Variants in PTPRM observed in about 807,000 individuals in gnomAD.
PTPRM encodes receptor-type tyrosine-protein phosphatase mu.
PTPRM carries 47 observed loss-of-function variants against 186.7 expected under a neutral mutation model. That is an observed-to-expected ratio of 0.25 (90% CI 0.20 to 0.32). PTPRM has a LOEUF of 0.32. Among genes scored for constraint, PTPRM ranks in the 10% least tolerant of loss-of-function variants. The probability of loss-of-function intolerance (pLI) is 1.00; values close to 1 mark genes in which losing one functional copy is unlikely to be tolerated. For synonymous variants in PTPRM, 668 were observed against 674.9 expected (o/e 0.99, Z 0.16); for missense variants, 1,494 against 1,865.0 (o/e 0.80, Z 3.66).
intron 2 of PTPRM, among the ~76,000 whole-genome samples, chr18:7,804,584 T>A (rs1013444787): frequency 1.3e-5 from 2 of 152,210 alleles, no homozygotes; most frequent in African/African-American, 4.8e-5. Flanking sequence ...GATTGTTCTC[T>A]ACAGATGGGC....
At chr18:8,391,981 A>G (rs1035410606) in intron 31 of PTPRM, among the ~76,000 whole-genome samples, 3 of 152,238 alleles carry the variant, frequency 2.0e-5, no homozygotes, top group African/African-American at 7.2e-5. Context: ...ATAATATCAC[A>G]GAGATGTGAT....
intron 14 of PTPRM, among the ~76,000 whole-genome samples, chr18:8,162,184 C>A (rs1417799074): frequency 6.6e-6 from 1 of 151,600 alleles, no homozygotes; most frequent in African/African-American, 2.4e-5. Flanking sequence ...ACTACAACCT[C>A]TGCCTCCTGG....
At chr18:8,221,232 TC>T (rs987538795) in intron 14 of PTPRM, among the ~76,000 whole-genome samples, 1 of 152,174 alleles carries the variant, frequency 6.6e-6, no homozygotes, top group African/African-American at 2.4e-5. Context: ...TTCCCTGTGT[TC>T]CCTGGCACTT....
At chr18:8,210,289 C>T (rs1015250803) in intron 14 of PTPRM, among the ~76,000 whole-genome samples, 8 of 151,656 alleles carry the variant, frequency 5.3e-5, no homozygotes, top group Admixed American at 3.9e-4. Flanking sequence ...CCAGCCAAGG[C>T]GACAGAGAGA....
chr18:7,872,756 A>T (rs899136157), intron 2 of PTPRM, among the ~76,000 whole-genome samples: 2 of 152,214 alleles, frequency 1.3e-5, no homozygotes, highest in African/African-American at 4.8e-5. Context: ...GAGTCATCAC[A>T]GATATGCTTC....
chr18:7,682,487 T>TA (rs1598363164), intron 1 of PTPRM, among the ~76,000 whole-genome samples: 1 of 152,354 alleles, frequency 6.6e-6, no homozygotes, highest in East Asian at 1.9e-4. Context: ...TTTATTAGGT[T>TA]ACACCTGATT....
chr18:7,733,565 T>C (rs2040706769), intron 1 of PTPRM, among the ~76,000 whole-genome samples: 1 of 152,202 alleles, frequency 6.6e-6, no homozygotes. Context: ...TGTGTCTTTA[T>C]AGTAGAATGA....
chr18:8,080,572 A>G (rs1459656018), intron 9 of PTPRM, among the ~76,000 whole-genome samples: 3 of 152,148 alleles, frequency 2.0e-5, no homozygotes, highest in African/African-American at 7.2e-5. Context: ...AATGGTCTAG[A>G]TTTGCCAGCT....
chr18:7,682,344 A>G (rs969638804), intron 1 of PTPRM, among the ~76,000 whole-genome samples: 3 of 152,250 alleles, frequency 2.0e-5, no homozygotes, highest in African/African-American at 7.2e-5. Flanking sequence ...TAGAAAACAT[A>G]CTAACTGGCA....
chr18:7,766,587 T>C (rs1295342793), intron 1 of PTPRM, among the ~76,000 whole-genome samples: 4 of 152,154 alleles, frequency 2.6e-5, no homozygotes, highest in Admixed American at 6.5e-5. Context: ...TGGAGGCACT[T>C]GCTACAGAAC....
intron 1 of PTPRM, among the ~76,000 whole-genome samples, chr18:7,666,862 G>C (rs964207701): frequency 3.9e-5 from 6 of 152,186 alleles, no homozygotes; most frequent in South Asian, 2.1e-4. Context: ...GATTTGGCAG[G>C]GGGTAGGTGG....
chr18:7,682,418 A>T (rs1327858952), intron 1 of PTPRM, among the ~76,000 whole-genome samples: 1 of 152,240 alleles, frequency 6.6e-6, no homozygotes, highest in Non-Finnish European at 1.5e-5. Flanking sequence ...TTCTTAAGAA[A>T]AAGAATAAAG....
intron 2 of PTPRM, among the ~76,000 whole-genome samples, chr18:7,795,714 A>AACACATACT (rs2043594405): frequency 6.6e-6 from 1 of 152,090 alleles, no homozygotes; most frequent in African/African-American, 2.4e-5. Flanking sequence ...TTTTTGAATG[A>AACACATACT]ACACATACTA....
At chr18:8,337,763 G>A (rs968341457) in intron 22 of PTPRM, among the ~76,000 whole-genome samples, 2 of 152,194 alleles carry the variant, frequency 1.3e-5, no homozygotes, top group Non-Finnish European at 2.9e-5. Context: ...CAGCAGAGGG[G>A]GGTCTTGCGG....
intron 1 of PTPRM, among the ~76,000 whole-genome samples, chr18:7,652,335 G>T (rs1379893755): frequency 6.6e-6 from 1 of 152,080 alleles, no homozygotes; most frequent in Non-Finnish European, 1.5e-5. Flanking sequence ...CATTGTGGAA[G>T]TCAGTGTGGC....
intron 18 of PTPRM, among the ~76,000 whole-genome samples, 175 bp downstream of exon 18, chr18:8,252,674 TA>T (rs2094538923): frequency 2.0e-5 from 3 of 152,314 alleles, no homozygotes; most frequent in African/African-American, 7.2e-5. Context: ...AGCTTTCTGA[TA>T]CCAGAGCATG....
At chr18:7,943,792 A>G (rs925684260) in intron 5 of PTPRM, among the ~76,000 whole-genome samples, 15 of 152,066 alleles carry the variant, frequency 9.9e-5, no homozygotes, top group Admixed American at 5.2e-4. Context: ...TTCCTCATAA[A>G]TAGAACCTTG....
At chr18:7,750,783 C>T (rs987339257) in intron 1 of PTPRM, among the ~76,000 whole-genome samples, 2 of 152,180 alleles carry the variant, frequency 1.3e-5, no homozygotes, top group African/African-American at 4.8e-5. Context: ...CCTTCACAGC[C>T]TCTGTCTCCA....
At chr18:8,171,993 C>G (rs1184422092) in intron 14 of PTPRM, among the ~76,000 whole-genome samples, 1 of 152,124 alleles carries the variant, frequency 6.6e-6, no homozygotes. Flanking sequence ...TATGGATACT[C>G]GAAGTACAGT....
Sources: allele counts gnomAD v4.1 joint callset (sites outside exome capture counted in the v4.1 genomes callset), GRCh38; gene constraint gnomAD v4.1.1; transcripts MANE v1.5; gene names NCBI Gene and HGNC (gene_info 2026-07-23, HGNC 2026-07-21).